Variants in MYO1D observed in about 807,000 individuals in gnomAD.
MYO1D encodes the protein myosin ID.
Under a neutral mutation model 122.0 loss-of-function variants are expected in MYO1D, and 83 were observed. The ratio of observed to expected loss-of-function variants is 0.68; its 90% CI spans 0.57 to 0.82. The LOEUF (loss-of-function observed/expected upper bound fraction) is 0.82. Among genes scored for constraint, MYO1D ranks in the 40% least tolerant of loss-of-function variants. The pLI, the probability that MYO1D is intolerant of heterozygous loss-of-function variation, is 0.00. For missense variants in MYO1D, 1,157 were observed against 1,269.5 expected (o/e 0.91, Z 1.35); for synonymous variants, 464 against 446.9 (o/e 1.04, Z -0.48).
chr17:32,760,013 A>G, intron 10 of MYO1D: 2 of 650,084 alleles, frequency 3.1e-6, no homozygotes, highest in Non-Finnish European at 2.8e-6. Flanking sequence ...ACAGACAGAT[A>G]TAAACCAGTA....
At position 32,799,503 on chromosome 17, in the gene MYO1D, C is replaced by T. The variant is rs185004179; in HGVS notation, c.96-18719G>A. On this transcript the variant is annotated intron_variant, in intron 1 of 21. Transcript: ENST00000318217. ...CATATATGGAAGAATGAAAATATAA[C>T]TTTATCTCCCCTCTTAAAGAAGAAT... Among the ~76,000 whole-genome samples the T allele has an allele frequency of 1.2e-4, 19 of 152,206 alleles. No individual in the cohort carries two copies. The East Asian group carries it at 3.7e-3, about 29-fold the overall frequency.
chr17:32,714,224 A>T (rs1241375526), intron 15 of MYO1D, among the ~76,000 whole-genome samples: 15 of 112,706 alleles, frequency 1.3e-4, no homozygotes, highest in East Asian at 2.5e-4. Context: ...CCATTCTCCC[A>T]CCCCCACCCC....
intron 17 of MYO1D, among the ~76,000 whole-genome samples, chr17:32,656,189 G>A (rs748574648): frequency 6.6e-6 from 1 of 152,142 alleles, no homozygotes; most frequent in Non-Finnish European, 1.5e-5. Context: ...TTGATCAGAC[G>A]AATAATCAAG....
chr17:32,592,419 G>C (rs2087446751), intron 21 of MYO1D, among the ~76,000 whole-genome samples: 1 of 152,208 alleles, frequency 6.6e-6, no homozygotes, highest in African/African-American at 2.4e-5. Context: ...TAAGATGGAT[G>C]CATCAATGTT....
chr17:32,507,477 C>T (rs1311649186), intron 21 of MYO1D, among the ~76,000 whole-genome samples: 1 of 152,094 alleles, frequency 6.6e-6, no homozygotes, highest in Admixed American at 6.6e-5. Context: ...TTAGAGAACA[C>T]ACATTCTTCT....
At chr17:32,738,642 C>T (rs905017554) in intron 13 of MYO1D, among the ~76,000 whole-genome samples, 18 of 152,078 alleles carry the variant, frequency 1.2e-4, no homozygotes, top group African/African-American at 4.3e-4. Flanking sequence ...AAGTGACATC[C>T]TTATTATACC....
In MYO1D at chr17:32,717,575, G is replaced by T. The variant is rs12937020; in HGVS notation, c.1913+3448C>A. On this transcript the variant is annotated intron_variant, in intron 15 of 21. Coordinates refer to ENST00000318217, the MANE Select transcript of MYO1D (RefSeq NM_015194.3). ...TGAGTAATAAACTTTCTCAAACTAG[G>T]TATGCCAGAAAATGCTGTTTATTTT... Among the ~76,000 whole-genome samples, 692 of 152,218 alleles carry T rather than the reference G, an allele frequency of 4.5e-3. 3 individuals are homozygous for T. Among genetic ancestry groups the T allele is most frequent in the African/African-American group, 0.016 (657 of 41,516 alleles).
intron 11 of MYO1D, among the ~76,000 whole-genome samples, chr17:32,754,141 G>C (rs1262133521): frequency 6.6e-6 from 1 of 152,170 alleles, no homozygotes; most frequent in Non-Finnish European, 1.5e-5. Context: ...ACCGTGCTAA[G>C]TGAGTCTCCA....
intron 1 of MYO1D, among the ~76,000 whole-genome samples, chr17:32,813,821 G>A (rs1284918247): frequency 1.3e-5 from 2 of 152,164 alleles, no homozygotes; most frequent in Non-Finnish European, 2.9e-5. Context: ...ACTAGAGCAT[G>A]GTGGTAGTCA....
intron 8 of MYO1D, among the ~76,000 whole-genome samples, chr17:32,762,006 C>G (rs540224847): frequency 1.7e-3 from 264 of 152,092 alleles, no homozygotes; most frequent in Non-Finnish European, 2.8e-3. Flanking sequence ...CTCTCACTTG[C>G]CCCCCACCTC....
chr17:32,667,098 T>C (rs2088647460), intron 16 of MYO1D, among the ~76,000 whole-genome samples: 1 of 152,248 alleles, frequency 6.6e-6, no homozygotes, highest in African/African-American at 2.4e-5. Flanking sequence ...GGTTTATTTA[T>C]GTAAATAATG....
At chr17:32,762,929 C>A (rs1391224732) in intron 8 of MYO1D, among the ~76,000 whole-genome samples, 1 of 151,018 alleles carries the variant, frequency 6.6e-6, no homozygotes, top group African/African-American at 2.4e-5. Context: ...TGGCTCACAC[C>A]TAATCCCAGC....
At chr17:32,587,315 C>A (rs947950320) in intron 21 of MYO1D, among the ~76,000 whole-genome samples, 8 of 152,076 alleles carry the variant, frequency 5.3e-5, no homozygotes, top group Admixed American at 4.6e-4. Flanking sequence ...GGTTTGAGAC[C>A]AGCTTGGCCA....
chr17:32,725,281 G>A (rs1174187917), intron 14 of MYO1D, among the ~76,000 whole-genome samples: 1 of 152,192 alleles, frequency 6.6e-6, no homozygotes, highest in Admixed American at 6.5e-5. Context: ...CCCTTTAGGA[G>A]GCCAAGGTGG....
chr17:32,839,949 G>A (rs2090863263), intron 1 of MYO1D, among the ~76,000 whole-genome samples: 1 of 152,110 alleles, frequency 6.6e-6, no homozygotes, highest in Non-Finnish European at 1.5e-5. Context: ...CCTTTCCAGG[G>A]CTGCCATTCA....
intron 19 of MYO1D, among the ~76,000 whole-genome samples, chr17:32,640,957 T>TTA (rs1185995627): frequency 2.6e-5 from 4 of 151,994 alleles, no homozygotes; most frequent in Non-Finnish European, 4.4e-5. Flanking sequence ...AAATTATACT[T>TTA]TAAGTTCTAG....
At chr17:32,647,583 T>C (rs547831000) in intron 19 of MYO1D, among the ~76,000 whole-genome samples, 1 of 152,310 alleles carries the variant, frequency 6.6e-6, no homozygotes, top group Admixed American at 6.5e-5. Context: ...TTAATTTGAT[T>C]TTCCAGCTGC....
At chr17:32,557,903 A>G (rs1478688667) in intron 21 of MYO1D, among the ~76,000 whole-genome samples, 1 of 151,954 alleles carries the variant, frequency 6.6e-6, no homozygotes, top group Non-Finnish European at 1.5e-5. Context: ...CACACTCCAC[A>G]GCCATGTCCA....
intron 1 of MYO1D, among the ~76,000 whole-genome samples, chr17:32,872,702 T>C (rs915888554): frequency 6.6e-6 from 1 of 151,552 alleles, no homozygotes; most frequent in African/African-American, 2.4e-5. Context: ...TTTTTTTTTT[T>C]TTTTTGAGAC....
Sources: allele counts gnomAD v4.1 joint callset (sites outside exome capture counted in the v4.1 genomes callset), GRCh38; gene constraint gnomAD v4.1.1; transcripts MANE v1.5; gene names NCBI Gene and HGNC (gene_info 2026-07-23, HGNC 2026-07-21).